The following EMSY variants were observed in gnomAD, a reference collection of about 807,000 sequenced individuals.
The protein encoded by EMSY is BRCA2-interacting transcriptional repressor EMSY.
A neutral mutation model predicts 134.6 loss-of-function variants in EMSY; 26 were observed. The ratio of observed to expected loss-of-function variants is 0.19; its 90% confidence interval spans 0.14 to 0.27. The LOEUF (loss-of-function observed/expected upper bound fraction) is 0.27. EMSY is among the 10% of genes least tolerant of loss of function. The pLI is 1.00. For synonymous variants in EMSY, 579 were observed against 577.8 expected (o/e 1.00, Z -0.03); for missense variants, 1,305 against 1,611.4 (o/e 0.81, Z 3.26).
intron 14 of EMSY, among the ~76,000 whole-genome samples, chr11:76,532,356 T>G (rs1267220917): frequency 9.2e-5 from 14 of 151,800 alleles, no homozygotes; most frequent in African/African-American, 1.5e-4. Context: ...AAAATGTTTT[T>G]TTTTTTTTTT....
intron 9 of EMSY, among the ~76,000 whole-genome samples, chr11:76,512,387 CATT>C (rs1161764953): frequency 2.6e-5 from 4 of 152,068 alleles, no homozygotes; most frequent in Non-Finnish European, 5.9e-5. Context: ...AAACAAAAGA[CATT>C]ATTCTATTTA....
At chr11:76,499,590 A>G (rs1271959903) in intron 9 of EMSY, among the ~76,000 whole-genome samples, 5 of 152,048 alleles carry the variant, frequency 3.3e-5, no homozygotes, top group Non-Finnish European at 7.4e-5. Flanking sequence ...CCCGGCCCCA[A>G]TCTTTAACTT....
At chr11:76,522,557 A>C (rs774233782) in intron 11 of EMSY, among the ~76,000 whole-genome samples, 6 of 151,470 alleles carry the variant, frequency 4.0e-5, no homozygotes, top group Non-Finnish European at 8.8e-5. Context: ...TTTAGTAGAG[A>C]TAGACTTTCA....
chr11:76,525,465 G>C (rs1950813061), intron 12 of EMSY, among the ~76,000 whole-genome samples: 1 of 152,174 alleles, frequency 6.6e-6, no homozygotes, highest in South Asian at 2.1e-4. Context: ...TTTAGATGAT[G>C]CTGGCTAAAA....
intron 8 of EMSY, among the ~76,000 whole-genome samples, chr11:76,480,712 G>A (rs1287161824): frequency 6.6e-6 from 1 of 152,162 alleles, no homozygotes; most frequent in Non-Finnish European, 1.5e-5. Flanking sequence ...TCCAACTGAG[G>A]TACCTGGCTT....
chr11:76,465,162 C>G (rs1187765692), intron 7 of EMSY, among the ~76,000 whole-genome samples: 1 of 152,072 alleles, frequency 6.6e-6, no homozygotes, highest in African/African-American at 2.4e-5. Flanking sequence ...TCTCTGTTTT[C>G]TCTTTTTGGA....
chr11:76,541,771 A>G (rs1370736152), intron 17 of EMSY, among the ~76,000 whole-genome samples: 1 of 152,256 alleles, frequency 6.6e-6, no homozygotes. Flanking sequence ...ACTGAGACCA[A>G]GAGATTAAAG....
chr11:76,516,291 AT>A lies in EMSY; in HGVS notation c.1665del (p.Ser556AlafsTer4). The A allele has an allele frequency of 6.2e-7, 1 of 1,611,250 alleles. No individual in the cohort carries two copies. Among genetic ancestry groups the A allele is most frequent in the East Asian group, 2.2e-5 (1 of 44,848 alleles). Reference sequence around the variant, plus strand: ...ATTAGCTACCTTGGGGGGCAAGATAATTAGCAGTAATATAGTTTCTGGTAGG... The same window carrying A: ...ATTAGCTACCTTGGGGGGCAAGATAATAGCAGTAATATAGTTTCTGGTAGG... On this transcript the variant is annotated frameshift_variant, in exon 11 of 21. Coordinates refer to ENST00000334736, the Ensembl canonical transcript of EMSY. LOFTEE classifies it high-confidence loss of function.
At chr11:76,548,363 T>A (rs982386982) in intron 20 of EMSY, among the ~76,000 whole-genome samples, 3 of 152,240 alleles carry the variant, frequency 2.0e-5, no homozygotes, top group Non-Finnish European at 4.4e-5. Context: ...ACAGTCTGTA[T>A]TTTATTCATT....
intron 11 of EMSY, among the ~76,000 whole-genome samples, chr11:76,518,406 G>A (rs375357329): frequency 2.6e-5 from 4 of 151,142 alleles, no homozygotes; most frequent in Non-Finnish European, 5.9e-5. Context: ...GAGTTGAAGC[G>A]ATCTGCCCAC....
At chr11:76,489,315 C>CTTTTTTTTTTTTTTTTTGTTTTTTT (rs1949320377) in intron 8 of EMSY, among the ~76,000 whole-genome samples, 1 of 128,170 alleles carries the variant, frequency 7.8e-6, no homozygotes. Context: ...TTCTTGTTTT[C>CTTTTTTTTTTTTTTTTTGTTTTTTT]TTTTTTTTTT....
intron 9 of EMSY, among the ~76,000 whole-genome samples, chr11:76,497,851 T>C (rs753568585): frequency 7.9e-5 from 12 of 152,238 alleles, no homozygotes; most frequent in Non-Finnish European, 1.6e-4. Context: ...ATTATTTCTG[T>C]CCTACTTTCT....
intron 14 of EMSY, among the ~76,000 whole-genome samples, chr11:76,532,695 G>A (rs1951087858): frequency 6.6e-6 from 1 of 152,108 alleles, no homozygotes; most frequent in South Asian, 2.1e-4. Flanking sequence ...ATTATATTAA[G>A]TGAAGTGGAA....
At position 76,518,167 on chromosome 11, in the gene EMSY, C is replaced by CTTTTTT. The variant is rs35911259; in HGVS notation, c.1684+1870_1684+1875dup. Among the ~76,000 whole-genome samples the CTTTTTT allele has an allele frequency of 7.5e-5, 9 of 119,472 alleles. 1 individual carries two copies. Among genetic ancestry groups the CTTTTTT allele is most frequent in the African/African-American group, 9.5e-5 (3 of 31,594 alleles). The allele number at this position is 119,472 out of a possible 152,430, so 78.4% of individuals were successfully genotyped here. A position where few individuals can be genotyped will look rare whatever the true frequency, so the allele number is the denominator to read the frequency against. ...TCCCCAAACAAAAAAGAAGTACTTT[C>CTTTTTT]TTTTTTTTTTTTTTTTTTTTAAGAC... On this transcript the variant is annotated intron_variant, in intron 11 of 20. Coordinates refer to ENST00000334736, the Ensembl canonical transcript of EMSY.
At chr11:76,519,155 C>T (rs1024353302) in intron 11 of EMSY, among the ~76,000 whole-genome samples, 1 of 151,420 alleles carries the variant, frequency 6.6e-6, no homozygotes, top group Non-Finnish European at 1.5e-5. Context: ...ACCCCCGCCT[C>T]CCAGGTTCAA....
chr11:76,454,304 T>C (rs1947786903), intron 4 of EMSY, among the ~76,000 whole-genome samples: 1 of 152,160 alleles, frequency 6.6e-6, no homozygotes, highest in East Asian at 1.9e-4. Flanking sequence ...AATGGGGTGC[T>C]ACCTTTTCAA....
downstream of EMSY, chr11:76,552,290 T>C (rs558638188): frequency 6.6e-6 from 1 of 152,286 alleles, no homozygotes; most frequent in African/African-American, 2.4e-5. Flanking sequence ...GGCTTCCTGC[T>C]CATGAAATGG....
intron 6 of EMSY, among the ~76,000 whole-genome samples, chr11:76,462,238 CATAA>C (rs558456923): frequency 3.3e-5 from 5 of 152,010 alleles, no homozygotes; most frequent in Admixed American, 6.6e-5. Context: ...GACTCCATCT[CATAA>C]ATAAATAAAT....
At chr11:76,494,530 A>G (rs1949549482) in intron 8 of EMSY, among the ~76,000 whole-genome samples, 1 of 152,236 alleles carries the variant, frequency 6.6e-6, no homozygotes, top group East Asian at 1.9e-4. Context: ...CAAGCAATAC[A>G]GAACATACAT....
Sources: allele counts gnomAD v4.1 joint callset (sites outside exome capture counted in the v4.1 genomes callset), GRCh38; gene constraint gnomAD v4.1.1; transcripts MANE v1.5; gene names NCBI Gene and HGNC (gene_info 2026-07-23, HGNC 2026-07-21).